TOB1: variants seen among roughly 807,000 people sequenced by gnomAD.
TOB1 encodes transducer of ERBB2, 1.
In TOB1, 2 loss-of-function variants were observed where a neutral mutation model predicts 22.9. The ratio of observed to expected loss-of-function variants is 0.09; its 90% CI spans 0.04 to 0.28. TOB1 has a LOEUF of 0.28. Ranked by LOEUF, TOB1 falls within the 10% of genes least tolerant of loss-of-function variation. The pLI, the probability that TOB1 is intolerant of heterozygous loss-of-function variation, is 1.00. For missense variants in TOB1, 299 were observed against 420.5 expected, an observed-to-expected ratio of 0.71 and a Z score of 2.53; for synonymous variants, 154 against 150.6, an observed-to-expected ratio of 1.02 and a Z score of -0.17.
upstream of TOB1, chr17:50,867,151 G>A (rs1269001677): frequency 6.6e-6 from 1 of 152,322 alleles, no homozygotes; most frequent in Non-Finnish European, 1.5e-5. Flanking sequence ...CTGCGACTCG[G>A]ATCCGTTTAT....
At chr17:50,865,857 A>G (rs1414179556) in intron 1 of TOB1, among the ~76,000 whole-genome samples, 4 of 150,952 alleles carry the variant, frequency 2.6e-5, no homozygotes, top group Admixed American at 2.0e-4. Flanking sequence ...ACTGCCCAGG[A>G]CGAGCCCGAC....
intron 1 of TOB1, 65 bp from the exon 2 acceptor site, chr17:50,864,228 CT>C (rs1425305564): frequency 4.3e-6 from 4 of 924,588 alleles, no homozygotes; most frequent in Non-Finnish European, 5.7e-6. Context: ...ACCTTCCCCC[CT>C]CCAAAGTAAT....
chr17:50,865,723 C>T (rs978434903), intron 1 of TOB1, among the ~76,000 whole-genome samples: 22 of 152,060 alleles, frequency 1.4e-4, no homozygotes, highest in Non-Finnish European at 3.2e-4. Context: ...TCCTCGGCAC[C>T]ATTTTCAGCC....
Position 50,863,811 on chromosome 17 carries a change from T to A in TOB1, c.207A>T (p.Glu69Asp). 6.2e-7 allele frequency: 1 copy of A among 1,614,044 alleles called. No homozygotes were observed. Among genetic ancestry groups the A allele is most frequent in the South Asian group, 1.1e-5 (1 of 91,082 alleles). Residue 69 changes from glutamate to aspartate, a missense_variant, in exon 2 of 2, where the codon GAA becomes GAT. Glu to Asp is a conservative substitution (Grantham distance 45). Coordinates refer to ENST00000499247, the MANE Select transcript of TOB1 (RefSeq NM_005749.4). ...CCAAACCACTCTCTTTGGATGCTTG[T>A]TCAATCACTGGGTCCACTTTCTCCC... ...HIGEKVDPVI[E>D]QASKESGLDI... is the part of the protein sequence containing the mutation.
chr17:50,865,979 G>T (rs1972297399), intron 1 of TOB1, 79 bp downstream of exon 1: 1 of 151,940 alleles, frequency 6.6e-6, no homozygotes, highest in Non-Finnish European at 1.5e-5. Flanking sequence ...GCTCGACGCC[G>T]CTGCAGCCCC....
chr17:50,863,869 T>C lies in TOB1; in HGVS notation c.149A>G (p.Tyr50Cys), dbSNP rs1972256633. 18 of 1,614,124 alleles carry C rather than the reference T, an allele frequency of 1.1e-5. No individual in the cohort carries two copies. Among genetic ancestry groups the C allele is most frequent in the Non-Finnish European group, 1.5e-5 (18 of 1,180,034 alleles). Residue 50 changes from tyrosine to cysteine, a missense_variant, in exon 2 of 2, where the codon TAC (tyrosine) becomes TGC (cysteine). By Grantham distance (194) the Tyr-to-Cys change is radical. Transcript: ENST00000499247. ...YEGHWYPEKPYKGSGFRCIHI... is the reference protein window; with the variant it reads ...YEGHWYPEKPCKGSGFRCIHI... ...TATACATCTAAACCCCGATCCTTTG[T>C]ATGGCTTTTCAGGATACCAGTGCCC...
upstream of TOB1, chr17:50,866,379 G>C (rs569878878): frequency 3.0e-4 from 46 of 152,232 alleles, no homozygotes; most frequent in African/African-American, 8.7e-4. Context: ...CCCGCCTCTC[G>C]TTTTATGGCC....
Position 50,863,248 on chromosome 17 carries a change from TGTG to T in TOB1, c.767_769del (p.Pro256del), listed in dbSNP as rs748306644. 4 of 1,613,478 alleles carry T rather than the reference TGTG, an allele frequency of 2.5e-6. No individual in the cohort carries two copies. Among genetic ancestry groups the T allele is most frequent in the Admixed American group, 1.7e-5 (1 of 59,960 alleles). On this transcript the variant is annotated inframe_deletion, in exon 2 of 2. Transcript: ENST00000499247. ...AGAGGTTTTCTGCTGTTGTTGCTGC[TGTG>T]GTGGTGGTGGTGGCGGTGGCGGCTG... is the stretch of plus-strand genomic sequence containing the variant.
At chr17:50,866,452 G>A (rs1372073566), upstream of TOB1, 5 of 151,434 alleles carry the variant, frequency 3.3e-5, no homozygotes, top group African/African-American at 1.2e-4. Context: ...CACAGCTCCG[G>A]CGGCGCAGCC....
At chr17:50,865,116 G>GAA (rs1567915466) in intron 1 of TOB1, among the ~76,000 whole-genome samples, 3 of 152,212 alleles carry the variant, frequency 2.0e-5, no homozygotes, top group Non-Finnish European at 4.4e-5. Context: ...GCAAACAGAA[G>GAA]ATATTTGCGA....
chr17:50,866,581 AG>A (rs1972314428), upstream of TOB1: 1 of 152,318 alleles, frequency 6.6e-6, no homozygotes, highest in Admixed American at 6.5e-5. Flanking sequence ...CGGCGGACGC[AG>A]GGGTGGGGAA....
chr17:50,863,463 G>T lies in TOB1; in HGVS notation c.555C>A (p.Thr185=), dbSNP rs369296548. 1 of 1,614,058 alleles carries T rather than the reference G, an allele frequency of 6.2e-7. No homozygotes were observed. The highest frequency in any genetic ancestry group is 1.3e-5 in the African/African-American group (1 of 74,910). ...TCTTCATTTTGGTAGAGCCGAACTT[G>T]GTGGCAGCAAAAGTGGCAGTGGTAA... ...LTFTTATFAA[T]KFGSTKMKNS... Residue 185 remains threonine, a synonymous_variant, in exon 2 of 2, where the codon ACC becomes ACA. Transcript: ENST00000499247.
intron 1 of TOB1, among the ~76,000 whole-genome samples, chr17:50,865,701 G>A (rs1014887266): frequency 6.6e-6 from 1 of 152,058 alleles, no homozygotes; most frequent in Admixed American, 6.6e-5. Flanking sequence ...CAGAGCCTGG[G>A]GGAGCACCGG....
At position 50,862,506 on chromosome 17, in the gene TOB1, C is replaced by G. The variant is rs915694238; in HGVS notation, c.*474G>C. On this transcript the variant is annotated 3_prime_UTR_variant, in exon 2 of 2. Transcript: ENST00000499247. ...ACACAATTTTTAGAATAGTTGATGT[C>G]TTTAAGATGGATATTTTACAATTTC... The G allele has an allele frequency of 6.5e-6, 1 of 152,828 alleles. No homozygotes were observed. The highest frequency in any genetic ancestry group is 6.5e-5 in the Admixed American group (1 of 15,282). The allele number at this position is 152,828 out of a possible 1,614,324, so 9.5% of individuals were successfully genotyped here. A position where few individuals can be genotyped will look rare whatever the true frequency, so the allele number is the denominator to read the frequency against.
At position 50,863,770 on chromosome 17, in the gene TOB1, C is replaced by T; in HGVS notation, c.248G>A (p.Arg83His). 1.2e-6 allele frequency: 2 copies of T among 1,614,100 alleles called. No homozygotes were observed. The highest frequency in any genetic ancestry group is 8.5e-7 in the Non-Finnish European group (1 of 1,180,034). The change falls in exon 2 of 2, where the codon CGT (arginine) becomes CAT (histidine). Residue 83 changes from arginine to histidine, a missense_variant. Physicochemically the swap from Arg to His is conservative, Grantham distance 29 (BLOSUM62 0). Coordinates refer to ENST00000499247, the MANE Select transcript of TOB1 (RefSeq NM_005749.4). ...ACTAAGATCCTGTGGCAGATTGCCA[C>T]GAACATCATCAATGTCCAAACCACT... Reference protein sequence around the residue: ...KESGLDIDDVRGNLPQDLSVW... With the variant: ...KESGLDIDDVHGNLPQDLSVW...
At position 50,863,546 on chromosome 17, in the gene TOB1, CA is replaced by C. The variant is rs1318084514; in HGVS notation, c.471del (p.Phe157LeufsTer7). On this transcript the variant is annotated frameshift_variant, in exon 2 of 2. Coordinates refer to ENST00000499247, the MANE Select transcript of TOB1 (RefSeq NM_005749.4). LOFTEE classifies it high-confidence loss of function. The stretch of plus-strand genomic sequence containing the variant: ...GTAGGGCTTACAGCAGCAGAGTGAC[CA>C]AAAGGAGGCGATGGAGAGCTGGACA... ...SSVSSSPSPP[F>X]GHSAAVSPTF... 1 of 1,614,038 alleles carries C rather than the reference CA, an allele frequency of 6.2e-7. No homozygotes were observed. The highest frequency in any genetic ancestry group is 1.1e-5 in the South Asian group (1 of 91,068).
At position 50,864,056 on chromosome 17, in the gene TOB1, C is replaced by CGAAAA; in HGVS notation, c.-40_-39insTTTTC. ...CAAAATTAGGTTTCAACTCCCCCAC[C>CGAAAA]AAAAAAAAAAAAAAAAAAAAAAGAT... is the stretch of plus-strand genomic sequence containing the variant. On this transcript the variant is annotated 5_prime_UTR_variant, in exon 2 of 2. Coordinates refer to ENST00000499247, the MANE Select transcript of TOB1 (RefSeq NM_005749.4). 9.6e-7 allele frequency: 1 copy of CGAAAA among 1,038,188 alleles called. No homozygotes were observed. Among genetic ancestry groups the CGAAAA allele is most frequent in the Non-Finnish European group, 1.2e-6 (1 of 860,176 alleles). 64.3% of individuals were successfully genotyped at this position (1,038,188 alleles called of 1,614,324 possible).
At position 50,862,800 on chromosome 17, in the gene TOB1, AT is replaced by A; in HGVS notation, c.*179del. The stretch of plus-strand genomic sequence containing the variant: ...GTATACTTTAAAATATACAGTCAGT[AT>A]AAAATAACTTTGTGCTTGGTTGGCA... On this transcript the variant is annotated 3_prime_UTR_variant, in exon 2 of 2. Coordinates refer to ENST00000499247, the MANE Select transcript of TOB1 (RefSeq NM_005749.4). 1 of 840,142 alleles carries A rather than the reference AT, an allele frequency of 1.2e-6. No homozygotes were observed. Among genetic ancestry groups the A allele is most frequent in the Non-Finnish European group, 1.7e-6 (1 of 579,580 alleles). The allele number at this position is 840,142 out of a possible 1,614,324, so 52.0% of individuals were successfully genotyped here. A position where few individuals can be genotyped will look rare whatever the true frequency, so the allele number is the denominator to read the frequency against.
chr17:50,864,125 G>C lies in TOB1; in HGVS notation c.-108C>G. 7.1e-7 allele frequency: 1 copy of C among 1,406,852 alleles called. No individual in the cohort carries two copies. The highest frequency in any genetic ancestry group is 2.6e-5 in the East Asian group (1 of 39,122). The allele number at this position is 1,406,852 out of a possible 1,614,324, so 87.1% of individuals were successfully genotyped here. A position where few individuals can be genotyped will look rare whatever the true frequency, so the allele number is the denominator to read the frequency against. On this transcript the variant is annotated 5_prime_UTR_variant, in exon 2 of 2. Transcript: ENST00000499247. ...AAACAAATTTTCATTCAAAGTGCTG[G>C]TATTAGTAGATTATCCTTCACCTTG... is the stretch of plus-strand genomic sequence containing the variant.
Sources: gnomAD v4.1 joint callset for allele counts (sites outside exome capture counted in the v4.1 genomes callset) on GRCh38, gnomAD v4.1.1 for gene constraint, MANE v1.5 for transcripts, NCBI Gene and HGNC (gene_info 2026-07-23, HGNC 2026-07-21) for gene names.